CIITA: variants seen among roughly 807,000 people sequenced by gnomAD.
CIITA encodes class II major histocompatibility complex transactivator.
A neutral mutation model predicts 115.1 loss-of-function variants in CIITA; 72 were observed. That is an observed-to-expected ratio of 0.63 (90% CI 0.52 to 0.76). The LOEUF is 0.76. Ranked by LOEUF, CIITA falls within the 30% of genes least tolerant of loss-of-function variation. The pLI is 0.00. For synonymous variants in CIITA, 763 were observed against 635.6 expected, an observed-to-expected ratio of 1.20 and a Z score of -3.02; for missense variants, 1,617 against 1,463.8, an observed-to-expected ratio of 1.10 and a Z score of -1.71.
In CIITA at chr16:10,941,977, A is replaced by G. The variant is rs1175797845; in HGVS notation, n.1103A>G. ...GGGGACCAGGGGGCCCAGTGCGTCCAGGTGGGCCGCGACCCGGGCGCCGAG... is the reference window on the plus strand; with the variant it reads ...GGGGACCAGGGGGCCCAGTGCGTCCGGGTGGGCCGCGACCCGGGCGCCGAG... On this transcript the variant is annotated non_coding_transcript_exon_variant, in exon 2 of 2. Transcript: ENST00000573379. This position sits in a 1 kb window ranked among gnomAD's most constrained non-coding sequence, Gnocchi z 6.4. 6.6e-7 allele frequency: 1 copy of G among 1,508,410 alleles called. No homozygotes were observed. Among genetic ancestry groups the G allele is most frequent in the Admixed American group, 2.2e-5 (1 of 45,146 alleles). The allele number at this position is 1,508,410 out of a possible 1,614,324, so 93.4% of individuals were successfully genotyped here.
chr16:10,882,808 A>C (rs2036559299), intron 1 of CIITA, among the ~76,000 whole-genome samples: 1 of 151,998 alleles, frequency 6.6e-6, no homozygotes, highest in Non-Finnish European at 1.5e-5. Context: ...GGTGGAGGAG[A>C]ATCGCCTGAA....
Position 10,920,515 on chromosome 16 carries a change from G to C in CIITA, c.3150-1652G>C, listed in dbSNP as rs934711185. Among the ~76,000 whole-genome samples, 5 of 152,168 alleles carry C rather than the reference G, an allele frequency of 3.3e-5. No homozygotes were observed. The highest frequency in any genetic ancestry group is 1.3e-4 in the Admixed American group (2 of 15,270). Reference sequence around the variant, plus strand: ...ACCCACCTCAGCCTTCCAAAGTGCTGGGATTACGGGTGTGAGCCACCATGC... The same window carrying C: ...ACCCACCTCAGCCTTCCAAAGTGCTCGGATTACGGGTGTGAGCCACCATGC... On this transcript the variant is annotated intron_variant, in intron 16 of 19. Coordinates refer to ENST00000324288, the MANE Select transcript of CIITA (RefSeq NM_000246.4). This position sits in a 1 kb window ranked among gnomAD's most constrained non-coding sequence, Gnocchi z 4.5.
intron 2 of CIITA, 96 bp downstream of exon 2, chr16:10,895,524 G>T (rs975002613): frequency 3.8e-6 from 6 of 1,578,586 alleles, no homozygotes; most frequent in Non-Finnish European, 5.2e-6. Context: ...CTGCCCTCCC[G>T]TCAGCACCAC....
chr16:10,929,276 A>C lies in CIITA; in HGVS notation c.*5421A>C. On this transcript the variant is annotated 3_prime_UTR_variant, in exon 20 of 20. Coordinates refer to ENST00000324288, the MANE Select transcript of CIITA (RefSeq NM_000246.4). This position sits in a 1 kb window ranked among gnomAD's most constrained non-coding sequence, Gnocchi z 4.3. ...CCGCAGTTTGAAGTGTCCTCTCCGA[A>C]GGTGAAGTGGGGGAAGCAGGTGCGC... 1 of 985,930 alleles carries C rather than the reference A, an allele frequency of 1.0e-6. No homozygotes were observed. Among genetic ancestry groups the C allele is most frequent in the Non-Finnish European group, 1.2e-6 (1 of 829,976 alleles). The allele number at this position is 985,930 out of a possible 1,614,324, so 61.1% of individuals were successfully genotyped here. A position where few individuals can be genotyped will look rare whatever the true frequency, so the allele number is the denominator to read the frequency against.
chr16:10,908,866 A>T, intron 11 of CIITA, 163 bp from the exon 12 acceptor site: 5 of 928,524 alleles, frequency 5.4e-6, no homozygotes, highest in Non-Finnish European at 8.4e-6. Context: ...GAAAGTAGGA[A>T]TCAATAAAGG....
At chr16:10,882,054 T>C (rs887118361) in intron 1 of CIITA, among the ~76,000 whole-genome samples, 1 of 152,244 alleles carries the variant, frequency 6.6e-6, no homozygotes, top group African/African-American at 2.4e-5. Context: ...ATTTTGTTCA[T>C]CCATTCATTT....
At chr16:10,915,713 C>T (rs985722666) in intron 14 of CIITA, 63 bp downstream of exon 14, 72 of 1,425,962 alleles carry the variant, frequency 5.0e-5, no homozygotes, top group Non-Finnish European at 7.1e-5. Flanking sequence ...GATCATAGCT[C>T]ACTGCAGCCT....
intron 10 of CIITA, among the ~76,000 whole-genome samples, chr16:10,905,663 G>A (rs996305958): frequency 1.9e-4 from 29 of 151,970 alleles, no homozygotes; most frequent in Admixed American, 9.2e-4. Context: ...TTGGCAGGCC[G>A]AGGCAGGAGA....
chr16:10,902,256 A>G (rs376521343), intron 7 of CIITA, 72 bp downstream of exon 7: 7 of 1,586,182 alleles, frequency 4.4e-6, no homozygotes, highest in South Asian at 1.1e-5. Flanking sequence ...ACACTAAGGC[A>G]GGGACTGTCA....
chr16:10,903,945 C>A (rs1269234697), intron 9 of CIITA, 50 bp downstream of exon 9: 2 of 1,611,364 alleles, frequency 1.2e-6, no homozygotes, highest in Non-Finnish European at 1.7e-6. Flanking sequence ...GATCGAGGCC[C>A]TGGGGAAGGA....
chr16:10,883,724 T>C (rs962054956), intron 1 of CIITA, among the ~76,000 whole-genome samples: 4 of 152,066 alleles, frequency 2.6e-5, no homozygotes, highest in African/African-American at 9.7e-5. Flanking sequence ...GAGATTTGCA[T>C]ATAGGAGGTT....
At chr16:10,867,326 G>A (rs952944722) in intron 1 of CIITA, among the ~76,000 whole-genome samples, 6 of 151,444 alleles carry the variant, frequency 4.0e-5, no homozygotes, top group African/African-American at 9.7e-5. Flanking sequence ...TGTGTGTTGG[G>A]GGGGGGCATG....
intron 1 of CIITA, among the ~76,000 whole-genome samples, chr16:10,880,623 C>A (rs2036331190): frequency 6.6e-6 from 1 of 152,196 alleles, no homozygotes; most frequent in South Asian, 2.1e-4. Context: ...CAGAGAGAAA[C>A]CTGTTGATAC....
intron 1 of CIITA, among the ~76,000 whole-genome samples, chr16:10,889,601 C>T (rs1180917784): frequency 6.6e-6 from 1 of 151,946 alleles, no homozygotes; most frequent in East Asian, 1.9e-4. Flanking sequence ...TTCACTGCAG[C>T]CTCTGCCTCC....
At position 10,925,251 on chromosome 16, in the gene CIITA, T is replaced by C. The variant is rs1262043799; in HGVS notation, c.*1396T>C. ...GGTGTCCCAAAAAGAAAGGAGGGGA[T>C]AGAGAGAGACCACTTTTCATAACCT... On this transcript the variant is annotated 3_prime_UTR_variant, in exon 20 of 20. Transcript: ENST00000324288. 6.6e-6 allele frequency: 1 copy of C among 152,228 alleles called. No homozygotes were observed. The highest frequency in any genetic ancestry group is 1.5e-5 in the Non-Finnish European group (1 of 68,060). The allele number at this position is 152,228 out of a possible 1,614,324, so 9.4% of individuals were successfully genotyped here. A position where few individuals can be genotyped will look rare whatever the true frequency, so the allele number is the denominator to read the frequency against.
At chr16:10,884,669 C>T (rs2036757164) in intron 1 of CIITA, among the ~76,000 whole-genome samples, 1 of 152,202 alleles carries the variant, frequency 6.6e-6, no homozygotes, top group South Asian at 2.1e-4. Flanking sequence ...CATCCTCCCT[C>T]CTCAGCCTCC....
intron 1 of CIITA, among the ~76,000 whole-genome samples, chr16:10,880,036 G>A (rs928976887): frequency 1.3e-5 from 2 of 152,174 alleles, no homozygotes; most frequent in African/African-American, 4.8e-5. Flanking sequence ...ATACTTCTCC[G>A]GAGTGAGATT....
chr16:10,901,981 C>A lies in CIITA; in HGVS notation c.482-57C>A, dbSNP rs924766558. The A allele has an allele frequency of 7.5e-6, 12 of 1,605,002 alleles. No individual in the cohort carries two copies. Among genetic ancestry groups the A allele is most frequent in the East Asian group, 4.5e-5 (2 of 44,842 alleles). On this transcript the variant is annotated intron_variant, in intron 6 of 19. Transcript: ENST00000324288. This position sits in a 1 kb window ranked among gnomAD's most constrained non-coding sequence, Gnocchi z 6.8. ...ATCCATGCCACTCCAGGGCCCTCCC[C>A]ATCCCAGGAAGGCCCCTCCAAGCAC...
chr16:10,935,452 C>CAGTTAGTGTTTTTATCCATGCCAAGCG lies in CIITA; in HGVS notation c.*11599_*11625dup. On this transcript the variant is annotated 3_prime_UTR_variant, in exon 20 of 20. Coordinates refer to ENST00000324288, the MANE Select transcript of CIITA (RefSeq NM_000246.4). Reference sequence around the variant, plus strand: ...TTTGGCCAAAAGTTAATGACTTTGGCAGTTAGTGTTTTTATCCATGCCAAG... The same window carrying CAGTTAGTGTTTTTATCCATGCCAAGCG: ...TTTGGCCAAAAGTTAATGACTTTGGCAGTTAGTGTTTTTATCCATGCCAAGCGAGTTAGTGTTTTTATCCATGCCAAG... The CAGTTAGTGTTTTTATCCATGCCAAGCG allele has an allele frequency of 6.6e-6, 1 of 152,330 alleles. No individual in the cohort carries two copies. The highest frequency in any genetic ancestry group is 1.9e-4 in the East Asian group (1 of 5,190). The allele number at this position is 152,330 out of a possible 1,614,324, so 9.4% of individuals were successfully genotyped here.
Sources: gnomAD v4.1 joint callset for allele counts (sites outside exome capture counted in the v4.1 genomes callset) on GRCh38, gnomAD v4.1.1 for gene constraint, Gnocchi (gnomAD v3.1) non-coding constraint, MANE v1.5 for transcripts, NCBI Gene and HGNC (gene_info 2026-07-23, HGNC 2026-07-21) for gene names.